AHCYL2: variants seen among roughly 807,000 people sequenced by gnomAD.
AHCYL2 encodes the protein adenosylhomocysteinase like 2.
In AHCYL2, 28 loss-of-function variants were observed where a neutral mutation model predicts 81.4. The ratio of observed to expected loss-of-function variants is 0.34; its 90% CI spans 0.25 to 0.47. AHCYL2 has a LOEUF of 0.47. Among genes scored for constraint, AHCYL2 ranks in the 20% least tolerant of loss-of-function variants. The pLI, the probability that AHCYL2 is intolerant of heterozygous loss-of-function variation, is 1.00. For missense variants in AHCYL2, 551 were observed against 785.1 expected, an observed-to-expected ratio of 0.70 and a Z score of 3.56; for synonymous variants, 272 against 290.2, an observed-to-expected ratio of 0.94 and a Z score of 0.64.
chr7:129,421,206 C>A (rs1334070308), intron 12 of AHCYL2, among the ~76,000 whole-genome samples: 1 of 149,510 alleles, frequency 6.7e-6, no homozygotes, highest in Non-Finnish European at 1.5e-5. Context: ...GAGCTAAGAT[C>A]ATGCCATTGC....
chr7:129,244,841 G>T (rs1017777854), intron 1 of AHCYL2, among the ~76,000 whole-genome samples: 8 of 152,066 alleles, frequency 5.3e-5, no homozygotes, highest in Admixed American at 2.0e-4. Context: ...TGGTGTCTTT[G>T]TTGATGTCTT....
chr7:129,324,018 C>A (rs939504999), intron 1 of AHCYL2, among the ~76,000 whole-genome samples: 3 of 151,466 alleles, frequency 2.0e-5, no homozygotes, highest in Non-Finnish European at 4.4e-5. Flanking sequence ...TTACAGGCAC[C>A]CGCCATTGTG....
At chr7:129,233,129 C>T (rs1312938908) in intron 1 of AHCYL2, among the ~76,000 whole-genome samples, 1 of 152,220 alleles carries the variant, frequency 6.6e-6, no homozygotes, top group East Asian at 1.9e-4. Flanking sequence ...CAATGTTATA[C>T]ATTTCTCTAG....
At chr7:129,385,468 G>T (rs73234741) in intron 2 of AHCYL2, among the ~76,000 whole-genome samples, 20,180 of 152,214 alleles carry the variant, frequency 0.13, 1,641 homozygotes, top group South Asian at 0.2. Flanking sequence ...TACATGTTCT[G>T]TGAGATAGAT....
chr7:129,228,766 A>G (rs188678665), intron 1 of AHCYL2, among the ~76,000 whole-genome samples: 3 of 152,396 alleles, frequency 2.0e-5, no homozygotes, highest in Admixed American at 2.0e-4. Flanking sequence ...CATCAGTATC[A>G]GTAATGACCG....
At position 129,368,403 on chromosome 7, in the gene AHCYL2, G is replaced by T; in HGVS notation, c.364-11235G>T. On this transcript the variant is annotated intron_variant, in intron 1 of 16. Coordinates refer to ENST00000325006, the MANE Select transcript of AHCYL2 (RefSeq NM_015328.4). The surrounding 1 kb of genome is among the most constrained non-coding windows in gnomAD (Gnocchi z 4.4). ...CTGTGAACTTCTGAATCTCACTAGG[G>T]TTGGGTCTGCTTTGGGGCACTCAGA... The T allele has an allele frequency of 6.2e-7, 1 of 1,602,962 alleles. No homozygotes were observed. Among genetic ancestry groups the T allele is most frequent in the East Asian group, 2.2e-5 (1 of 44,674 alleles).
At chr7:129,308,870 T>G (rs903113672) in intron 1 of AHCYL2, among the ~76,000 whole-genome samples, 1 of 152,178 alleles carries the variant, frequency 6.6e-6, no homozygotes, top group African/African-American at 2.4e-5. Context: ...GTGATGTCAC[T>G]GTGGTCATGT....
intron 1 of AHCYL2, among the ~76,000 whole-genome samples, chr7:129,364,792 G>A (rs568617989): frequency 1.1e-4 from 16 of 152,164 alleles, no homozygotes; most frequent in African/African-American, 3.9e-4. Context: ...TGCAGATCGA[G>A]CAATGGAAAA....
chr7:129,305,988 T>C (rs1333910882), intron 1 of AHCYL2, among the ~76,000 whole-genome samples: 1 of 152,200 alleles, frequency 6.6e-6, no homozygotes, highest in Non-Finnish European at 1.5e-5. Flanking sequence ...CATTGTATGT[T>C]GTTTCTTTTC....
At chr7:129,236,706 G>GA (rs1342540743) in intron 1 of AHCYL2, among the ~76,000 whole-genome samples, 1 of 152,130 alleles carries the variant, frequency 6.6e-6, no homozygotes, top group Non-Finnish European at 1.5e-5. Flanking sequence ...AACGATACAC[G>GA]AAACAACTCT....
rs149706364 is a variant in AHCYL2, at chr7:129,425,044, C to T, written c.1630-19C>T. On this transcript the variant is annotated intron_variant, in intron 14 of 16. Transcript: ENST00000325006. ...TTGCCATGAATGGCACATCAGCATC[C>T]ATCTCTCTGCTTTTCTAGGCTCTTG... The T allele has an allele frequency of 6.9e-5, 112 of 1,613,542 alleles. No homozygotes were observed. In the African/African-American group the frequency reaches 1.3e-3, roughly 19 times the overall value.
chr7:129,412,541 G>C (rs1020643689), intron 11 of AHCYL2, among the ~76,000 whole-genome samples: 1 of 151,586 alleles, frequency 6.6e-6, no homozygotes, highest in African/African-American at 2.4e-5. Flanking sequence ...TCAGCCTCCC[G>C]AAGTGTTAGG....
intron 1 of AHCYL2, among the ~76,000 whole-genome samples, chr7:129,321,766 G>GTTTTTTTTTTTTTTTTTTTTTT (rs1315391980): frequency 1.2e-4 from 13 of 107,476 alleles, no homozygotes; most frequent in South Asian, 3.2e-4. Context: ...TTTTTTTTTG[G>GTTTTTTTTTTTTTTTTTTTTTT]TCTTGGTTTT....
intron 10 of AHCYL2, among the ~76,000 whole-genome samples, chr7:129,407,904 C>A (rs996945881): frequency 1.3e-5 from 2 of 152,126 alleles, no homozygotes; most frequent in African/African-American, 4.8e-5. Flanking sequence ...TGAGTCTTGA[C>A]ATTTGTATAG....
chr7:129,317,049 G>C lies in AHCYL2; in HGVS notation c.364-62589G>C, dbSNP rs115473403. 4.3e-3 allele frequency among the ~76,000 whole-genome samples: 656 copies of C among 152,320 alleles called. 9 individuals are homozygous for C. Among genetic ancestry groups the C allele is most frequent in the African/African-American group, 0.015 (625 of 41,574 alleles). ...AGGTCTCTGTTATTTCTCAGTTCAA[G>C]ATAGGTCAAGGGAAAATTCGTTGAT... On this transcript the variant is annotated intron_variant, in intron 1 of 16. Coordinates refer to ENST00000325006, the MANE Select transcript of AHCYL2 (RefSeq NM_015328.4).
chr7:129,364,708 A>G (rs958994067), intron 1 of AHCYL2, among the ~76,000 whole-genome samples: 5 of 152,224 alleles, frequency 3.3e-5, no homozygotes, highest in African/African-American at 4.8e-5. Context: ...CACTCTAGCC[A>G]TAAAATAGAC....
intron 1 of AHCYL2, among the ~76,000 whole-genome samples, chr7:129,340,567 CAAAA>C (rs569272896): frequency 1.2e-5 from 1 of 82,204 alleles, no homozygotes. Context: ...GACTCCGTCT[CAAAA>C]AAAAAAAAAA....
chr7:129,404,959 G>A, intron 7 of AHCYL2, 138 bp from the exon 8 acceptor site: 1 of 489,216 alleles, frequency 2.0e-6, no homozygotes, highest in Non-Finnish European at 3.7e-6. Flanking sequence ...TTTCTCAGTG[G>A]CCACCTAACA....
chr7:129,402,816 A>G (rs2150932923), intron 6 of AHCYL2, among the ~76,000 whole-genome samples: 1 of 152,260 alleles, frequency 6.6e-6, no homozygotes, highest in East Asian at 1.9e-4. Context: ...GTGCTGCCTG[A>G]TATTTTGGGT....
Sources: allele counts gnomAD v4.1 joint callset (sites outside exome capture counted in the v4.1 genomes callset), GRCh38; gene constraint gnomAD v4.1.1; non-coding constraint Gnocchi (gnomAD v3.1); transcripts MANE v1.5; gene names NCBI Gene and HGNC (gene_info 2026-07-23, HGNC 2026-07-21).